The following TBC1D12 variants were observed in gnomAD, a reference collection of about 807,000 sequenced individuals.
The protein encoded by TBC1D12 is TBC1 domain family, member 12.
TBC1D12 carries 56 observed loss-of-function variants against 86.7 expected under a neutral mutation model. That is an observed-to-expected ratio of 0.65 (90% CI 0.52 to 0.81). The LOEUF is 0.81. Among genes scored for constraint, TBC1D12 ranks in the 30% least tolerant of loss-of-function variants. The probability of loss-of-function intolerance (pLI) is 0.00; values close to 1 mark genes in which losing one functional copy is unlikely to be tolerated. For synonymous variants in TBC1D12, 421 were observed against 411.7 expected (o/e 1.02, Z -0.27); for missense variants, 1,023 against 1,038.8 (o/e 0.98, Z 0.21).
rs112886798 is a variant in TBC1D12, at chr10:94,465,180, A to G, written c.1096-9488A>G. 5.3e-3 allele frequency among the ~76,000 whole-genome samples: 807 copies of G among 152,088 alleles called. 6 individuals carry two copies. Among genetic ancestry groups the G allele is most frequent in the Non-Finnish European group, 7.0e-3 (479 of 67,986 alleles). On this transcript the variant is annotated intron_variant, in intron 2 of 12. Transcript: ENST00000225235. ...GGTCTTTCTTGCACTTTGCATGGAT[A>G]TGTGTATTTATGCATGGTTTTATAA... is the stretch of plus-strand genomic sequence containing the variant.
At position 94,403,810 on chromosome 10, in the gene TBC1D12, C is replaced by T. The variant is rs553833228; in HGVS notation, c.971+226C>T. On this transcript the variant is annotated intron_variant, in intron 1 of 12. Coordinates refer to ENST00000225235, the MANE Select transcript of TBC1D12 (RefSeq NM_015188.2). ...GAGAAGTTGTGAGCTCTGTGGACAG[C>T]GAGTCTTTCTGTTGCCTTGTCCGCG... Among the ~76,000 whole-genome samples, 5 of 152,284 alleles carry T rather than the reference C, an allele frequency of 3.3e-5. No individual in the cohort carries two copies. In the South Asian group the frequency reaches 8.3e-4, roughly 25 times the overall value.
intron 2 of TBC1D12, among the ~76,000 whole-genome samples, chr10:94,454,092 C>G (rs1409829464): frequency 6.6e-6 from 1 of 152,144 alleles, no homozygotes; most frequent in African/African-American, 2.4e-5. Flanking sequence ...ATTGGCTATT[C>G]TGGGTCTTTT....
At chr10:94,523,186 C>A (rs7900670) in intron 11 of TBC1D12, among the ~76,000 whole-genome samples, 2,707 of 105,658 alleles carry the variant, frequency 0.026, 100 homozygotes, top group African/African-American at 0.09. Flanking sequence ...GAGCGAAACT[C>A]TATCTCAAAA....
At chr10:94,459,589 G>T (rs1330626897) in intron 2 of TBC1D12, among the ~76,000 whole-genome samples, 1 of 152,180 alleles carries the variant, frequency 6.6e-6, no homozygotes, top group East Asian at 1.9e-4. Flanking sequence ...GAGCCCACCA[G>T]GGGGGTTGGG....
intron 1 of TBC1D12, among the ~76,000 whole-genome samples, chr10:94,408,609 C>T (rs1447914461): frequency 1.3e-5 from 2 of 152,032 alleles, no homozygotes; most frequent in African/African-American, 4.8e-5. Context: ...CTTTTTTCCA[C>T]CTAGAATTTG....
In TBC1D12 at chr10:94,535,506, G is replaced by A. The variant is rs1020789462; in HGVS notation, c.*2410G>A. 6.6e-6 allele frequency: 1 copy of A among 151,982 alleles called. No individual in the cohort carries two copies. The highest frequency in any genetic ancestry group is 1.5e-5 in the Non-Finnish European group (1 of 67,972). 9.4% of individuals were successfully genotyped at this position (151,982 alleles called of 1,614,324 possible). A position where few individuals can be genotyped will look rare whatever the true frequency, so the allele number is the denominator to read the frequency against. On this transcript the variant is annotated 3_prime_UTR_variant, in exon 13 of 13. Transcript: ENST00000225235. ...GGTGTCCATATATTTTTACCCCATG[G>A]GTCATTCTAGTCTAAGGACTACTAG...
chr10:94,420,611 A>G (rs1014773687), intron 1 of TBC1D12, among the ~76,000 whole-genome samples: 12 of 152,290 alleles, frequency 7.9e-5, no homozygotes, highest in African/African-American at 2.9e-4. Context: ...AAAGGGAGTC[A>G]TATAGTTTGT....
chr10:94,489,187 T>C (rs2056213117), intron 3 of TBC1D12, among the ~76,000 whole-genome samples: 1 of 152,242 alleles, frequency 6.6e-6, no homozygotes, highest in Non-Finnish European at 1.5e-5. Flanking sequence ...TTTCAGCTGC[T>C]GGGATGGGCG....
chr10:94,522,547 G>A (rs1259538834), intron 11 of TBC1D12, 94 bp downstream of exon 11: 1 of 561,346 alleles, frequency 1.8e-6, no homozygotes, highest in South Asian at 2.8e-5. Flanking sequence ...TCATGTGCAG[G>A]ATTTTACATA....
At chr10:94,456,505 GTTTAA>G (rs1185024475) in intron 2 of TBC1D12, among the ~76,000 whole-genome samples, 1 of 152,144 alleles carries the variant, frequency 6.6e-6, no homozygotes, top group Non-Finnish European at 1.5e-5. Context: ...TCAATTTCTA[GTTTAA>G]TTTAATTGAG....
intron 3 of TBC1D12, among the ~76,000 whole-genome samples, chr10:94,479,335 A>G (rs899821882): frequency 1.3e-5 from 2 of 152,294 alleles, no homozygotes; most frequent in Admixed American, 6.5e-5. Context: ...TCTTCTTTAC[A>G]GTAAATAAAG....
intron 1 of TBC1D12, among the ~76,000 whole-genome samples, chr10:94,411,080 T>C (rs1375321886): frequency 1.3e-5 from 2 of 152,224 alleles, no homozygotes; most frequent in Non-Finnish European, 2.9e-5. Context: ...ACTATTCCTT[T>C]CAACTCTAAA....
chr10:94,531,699 G>T lies in TBC1D12; in HGVS notation c.2259+239G>T, dbSNP rs377622315. Among the ~76,000 whole-genome samples the T allele has an allele frequency of 2.8e-3, 311 of 109,370 alleles. 2 individuals are homozygous for T. The highest frequency in any genetic ancestry group is 8.6e-3 in the African/African-American group (277 of 32,272). 71.8% of individuals were successfully genotyped at this position (109,370 alleles called of 152,430 possible). On this transcript the variant is annotated intron_variant, in intron 12 of 12. Coordinates refer to ENST00000225235, the MANE Select transcript of TBC1D12 (RefSeq NM_015188.2). ...TTTATTTTATTTTATGTTATTTTAT[G>T]TTATGTTATTTTATGTTATTTTATG...
rs769393921 is a variant in TBC1D12, at chr10:94,402,567, C to T, written c.-47C>T. On this transcript the variant is annotated 5_prime_UTR_variant, in exon 1 of 13. Coordinates refer to ENST00000225235, the MANE Select transcript of TBC1D12 (RefSeq NM_015188.2). ...GAGCTGTTCTCTGGCCAAGCCTGCG[C>T]CTGTAGTCCTTCTTTGCCTCCTGGG... is the stretch of plus-strand genomic sequence containing the variant. The T allele has an allele frequency of 3.2e-5, 52 of 1,603,466 alleles. No individual in the cohort carries two copies. The East Asian group carries it at 1.1e-3, about 35-fold the overall frequency.
At position 94,510,143 on chromosome 10, in the gene TBC1D12, A is replaced by G. The variant is rs780869654; in HGVS notation, c.1653A>G (p.Ile551Met). 1 of 1,608,578 alleles carries G rather than the reference A, an allele frequency of 6.2e-7. No homozygotes were observed. Among genetic ancestry groups the G allele is most frequent in the Admixed American group, 1.7e-5 (1 of 58,236 alleles). Residue 551 changes from isoleucine to methionine, a missense_variant, in exon 8 of 13, where the codon ATA becomes ATG. Transcript: ENST00000225235. ...EASLELIKLD[I>M]SRTFPSLYIF... ...GTCTGGAATTAATTAAGTTGGACAT[A>G]TCCCGTACATTTCCATCTCTCTACA...
intron 7 of TBC1D12, chr10:94,509,805 A>C (rs2056505361): frequency 6.4e-6 from 2 of 310,156 alleles, no homozygotes; most frequent in South Asian, 7.7e-5. Flanking sequence ...GATATTTGTA[A>C]ATTTTTTTCC....
At chr10:94,470,107 C>T (rs955783533) in intron 2 of TBC1D12, among the ~76,000 whole-genome samples, 3 of 152,066 alleles carry the variant, frequency 2.0e-5, no homozygotes, top group Admixed American at 6.5e-5. Context: ...TTTCTCATTA[C>T]GTCTTCAAAT....
chr10:94,506,096 G>A (rs921487078), intron 6 of TBC1D12, among the ~76,000 whole-genome samples: 17 of 151,688 alleles, frequency 1.1e-4, no homozygotes, highest in African/African-American at 3.6e-4. Context: ...GAGTGCAGTG[G>A]TGCGATCTCT....
At chr10:94,456,615 T>C (rs113430649) in intron 2 of TBC1D12, among the ~76,000 whole-genome samples, 36 of 152,348 alleles carry the variant, frequency 2.4e-4, no homozygotes, top group African/African-American at 7.9e-4. Context: ...GAATGTTCCA[T>C]GTTAGCTTGA....
Sources: allele counts gnomAD v4.1 joint callset (sites outside exome capture counted in the v4.1 genomes callset), GRCh38; gene constraint gnomAD v4.1.1; transcripts MANE v1.5; gene names NCBI Gene and HGNC (gene_info 2026-07-23, HGNC 2026-07-21).